S100A13: variants seen among roughly 807,000 people sequenced by gnomAD.
The protein encoded by S100A13 is S100 calcium binding protein A13, also known as protein S100-A13.
In S100A13, 6 loss-of-function variants were observed where a neutral mutation model predicts 8.2. The observed-to-expected ratio is 0.73, with a 90% confidence interval of 0.40 to 1.44. The LOEUF is 1.44. S100A13 is among the 40% of genes most tolerant of loss of function. S100A13 has a pLI of 0.02. For synonymous variants in S100A13, 39 were observed against 45.9 expected, an observed-to-expected ratio of 0.85 and a Z score of 0.61; for missense variants, 114 against 113.6, an observed-to-expected ratio of 1.00 and a Z score of -0.02.
At chr1:153,631,406 A>G, upstream of S100A13, 1 of 1,432,618 alleles carries the variant, frequency 7.0e-7, no homozygotes. Flanking sequence ...CATTATTTGT[A>G]TTAGAATTAA....
chr1:153,628,597 G>T, upstream of S100A13: 1 of 1,486,842 alleles, frequency 6.7e-7, no homozygotes, highest in Non-Finnish European at 9.0e-7. Context: ...GCACTGTGGA[G>T]CACTGAGGAT....
upstream of S100A13, chr1:153,628,102 A>G: frequency 6.4e-7 from 1 of 1,550,398 alleles, no homozygotes; most frequent in Non-Finnish European, 8.7e-7. Context: ...AGACCCCCTC[A>G]GCAGAATTCC....
upstream of S100A13, chr1:153,631,823 C>T (rs1298767734): frequency 6.2e-7 from 1 of 1,613,958 alleles, no homozygotes; most frequent in East Asian, 2.2e-5. Context: ...GTAACAATTT[C>T]TTCTGGGAGA....
chr1:153,633,178 G>A (rs1668127864), upstream of S100A13: 1 of 151,518 alleles, frequency 6.6e-6, no homozygotes, highest in East Asian at 1.9e-4. Context: ...AAAAAAAAAA[G>A]AAAGAGAGAA....
chr1:153,628,122 G>A (rs1161904222), upstream of S100A13: 18 of 1,550,216 alleles, frequency 1.2e-5, no homozygotes, highest in South Asian at 1.3e-4. Context: ...CCCCCTTACC[G>A]GGCTCAACCA....
chr1:153,632,738 C>A (rs1026215253), upstream of S100A13, among the ~76,000 whole-genome samples: 1 of 152,122 alleles, frequency 6.6e-6, no homozygotes, highest in Non-Finnish European at 1.5e-5. Context: ...CACATACACA[C>A]ACGCACACGC....
upstream of S100A13, chr1:153,630,543 G>A (rs998668210): frequency 6.2e-7 from 1 of 1,614,250 alleles, no homozygotes; most frequent in Non-Finnish European, 8.5e-7. Flanking sequence ...GCTGGAGACG[G>A]CGATGGAGAC....
chr1:153,631,143 A>C (rs1357239707), upstream of S100A13: 1 of 322,622 alleles, frequency 3.1e-6, no homozygotes, highest in East Asian at 6.0e-5. Flanking sequence ...AGAAAGAAGA[A>C]TGTGGAGCAT....
upstream of S100A13, chr1:153,631,631 C>A: frequency 1.2e-6 from 2 of 1,613,568 alleles, no homozygotes; most frequent in Non-Finnish European, 1.7e-6. Flanking sequence ...CTCAACCACC[C>A]CCTTGCCTCT....
chr1:153,632,026 T>C, upstream of S100A13: 1 of 636,624 alleles, frequency 1.6e-6, no homozygotes, highest in South Asian at 2.0e-5. Context: ...TAAAGGCTTC[T>C]CTCTCACCAG....
At chr1:153,627,737 C>G (rs1271062111), upstream of S100A13, 2 of 251,908 alleles carry the variant, frequency 7.9e-6, no homozygotes, top group African/African-American at 2.2e-5. Flanking sequence ...GGCAGGGGTC[C>G]CAGGGTCCTA....
At chr1:153,634,200 A>G (rs914405298), upstream of S100A13, 6 of 152,762 alleles carry the variant, frequency 3.9e-5, no homozygotes, top group Non-Finnish European at 4.4e-5. Flanking sequence ...CTGAGCTCGC[A>G]TACTACCGCT....
chr1:153,630,368 G>C (rs149579349), upstream of S100A13: 2 of 1,069,638 alleles, frequency 1.9e-6, no homozygotes, highest in Non-Finnish European at 2.6e-6. Flanking sequence ...TAAAATCTCA[G>C]GGAAAGATCA....
At chr1:153,629,417 GT>G (rs1192858072), upstream of S100A13, 5 of 152,226 alleles carry the variant, frequency 3.3e-5, no homozygotes, top group African/African-American at 1.2e-4. Flanking sequence ...AGGGGCCATT[GT>G]CCAGCCCCCT....
chr1:153,633,627 G>A (rs1008977625), upstream of S100A13, among the ~76,000 whole-genome samples: 1 of 152,158 alleles, frequency 6.6e-6, no homozygotes, highest in African/African-American at 2.4e-5. Context: ...GAGCATTTAC[G>A]GCACTTCACA....
intron 2 of S100A13, among the ~76,000 whole-genome samples, chr1:153,625,271 G>T (rs1327715482): frequency 6.6e-6 from 1 of 152,168 alleles, no homozygotes; most frequent in Non-Finnish European, 1.5e-5. Flanking sequence ...AGGGGATTTT[G>T]CAGATGAAAG....
chr1:153,627,803 T>C (rs74118316), upstream of S100A13: 5,352 of 502,086 alleles, frequency 0.011, 232 homozygotes, highest in African/African-American at 0.095. Context: ...CAGGAGTGTG[T>C]ATGCTGAGGG....
At chr1:153,628,897 T>C (rs1355916042), upstream of S100A13, 1 of 187,106 alleles carries the variant, frequency 5.3e-6, no homozygotes, top group African/African-American at 2.3e-5. Context: ...AACAGCTGTT[T>C]CTGCCCCCAC....
chr1:153,627,769 G>A (rs1667757868), upstream of S100A13, among the ~76,000 whole-genome samples: 1 of 152,138 alleles, frequency 6.6e-6, no homozygotes, highest in African/African-American at 2.4e-5. Flanking sequence ...ACTGGGGGCT[G>A]CTGCCACCAT....
Sources: allele counts gnomAD v4.1 joint callset (sites outside exome capture counted in the v4.1 genomes callset), GRCh38; gene constraint gnomAD v4.1.1; transcripts MANE v1.5; gene names NCBI Gene and HGNC (gene_info 2026-07-23, HGNC 2026-07-21).